Variants in GRIP1 observed in about 807,000 individuals in gnomAD.
The protein encoded by GRIP1 is glutamate receptor interacting protein 1.
A neutral mutation model predicts 129.9 loss-of-function variants in GRIP1; 45 were observed. The observed-to-expected ratio is 0.35, with a 90% CI of 0.27 to 0.44. The LOEUF is 0.44. GRIP1 is among the 20% of genes least tolerant of loss of function. The probability of loss-of-function intolerance (pLI) is 1.00; values close to 1 mark genes in which losing one functional copy is unlikely to be tolerated. For synonymous variants in GRIP1, 530 were observed against 520.8 expected, an observed-to-expected ratio of 1.02 and a Z score of -0.24; for missense variants, 1,196 against 1,396.8, an observed-to-expected ratio of 0.86 and a Z score of 2.29.
intron 1 of GRIP1, among the ~76,000 whole-genome samples, chr12:66,719,114 T>C (rs1261054629): frequency 2.0e-5 from 3 of 152,058 alleles, no homozygotes; most frequent in Non-Finnish European, 4.4e-5. Context: ...ATGGTTACCA[T>C]ATAGAGGCAA....
intron 1 of GRIP1, among the ~76,000 whole-genome samples, chr12:66,852,546 A>ATATATGTATATG (rs2039932617): frequency 1.4e-5 from 2 of 144,802 alleles, no homozygotes; most frequent in Non-Finnish European, 3.0e-5. Flanking sequence ...ATATGTATAT[A>ATATATGTATATG]TGTATATGTA....
intron 1 of GRIP1, among the ~76,000 whole-genome samples, chr12:66,742,998 A>G (rs1177740112): frequency 6.6e-6 from 1 of 152,164 alleles, no homozygotes; most frequent in Non-Finnish European, 1.5e-5. Flanking sequence ...TGTACCACAG[A>G]AACAGCAGCC....
chr12:66,872,797 C>T (rs1437108498), intron 1 of GRIP1, among the ~76,000 whole-genome samples: 1 of 152,008 alleles, frequency 6.6e-6, no homozygotes, highest in Non-Finnish European at 1.5e-5. Flanking sequence ...ATCAATTTGT[C>T]CAGTTAACTA....
At chr12:66,663,573 G>A (rs948331915) in intron 1 of GRIP1, among the ~76,000 whole-genome samples, 3 of 152,024 alleles carry the variant, frequency 2.0e-5, no homozygotes, top group African/African-American at 7.3e-5. Context: ...GCACTTTGGA[G>A]GTATGTGTGG....
At chr12:66,361,964 G>A (rs911488093) in intron 23 of GRIP1, among the ~76,000 whole-genome samples, 1 of 151,984 alleles carries the variant, frequency 6.6e-6, no homozygotes, top group Non-Finnish European at 1.5e-5. Context: ...AGGATGACAA[G>A]TTGCAACTAA....
At chr12:66,870,651 G>A (rs1257519827) in intron 1 of GRIP1, among the ~76,000 whole-genome samples, 1 of 152,066 alleles carries the variant, frequency 6.6e-6, no homozygotes, top group East Asian at 1.9e-4. Context: ...ATTTGAGCAC[G>A]GACATGAAGA....
At chr12:66,639,501 CAG>C (rs900329426) in intron 1 of GRIP1, among the ~76,000 whole-genome samples, 11 of 152,042 alleles carry the variant, frequency 7.2e-5, no homozygotes, top group Admixed American at 5.2e-4. Flanking sequence ...GTGGGAGGAG[CAG>C]AGATCAAATT....
chr12:66,566,179 A>G (rs1426089524), intron 2 of GRIP1, among the ~76,000 whole-genome samples: 2 of 152,168 alleles, frequency 1.3e-5, no homozygotes, highest in East Asian at 1.9e-4. Flanking sequence ...GTGGTGAGAG[A>G]GGGCATCCCT....
intron 1 of GRIP1, among the ~76,000 whole-genome samples, chr12:66,992,761 A>C (rs11176523): frequency 0.019 from 2,840 of 152,322 alleles, 92 homozygotes; most frequent in African/African-American, 0.064. Flanking sequence ...AACAGAAAGA[A>C]ATTTGGGAAA....
intron 1 of GRIP1, among the ~76,000 whole-genome samples, chr12:67,040,781 G>T (rs189787969): frequency 7.3e-4 from 111 of 152,174 alleles, no homozygotes; most frequent in Non-Finnish European, 1.4e-3. Flanking sequence ...ATAAAGGTTG[G>T]TTACTGTCAT....
At chr12:66,756,348 A>G (rs534274194) in intron 1 of GRIP1, among the ~76,000 whole-genome samples, 6 of 152,260 alleles carry the variant, frequency 3.9e-5, no homozygotes, top group African/African-American at 1.2e-4. Flanking sequence ...TATATCCCCA[A>G]TGAAGCATTG....
chr12:66,533,502 G>A (rs550450454), intron 4 of GRIP1, among the ~76,000 whole-genome samples: 13 of 152,056 alleles, frequency 8.5e-5, no homozygotes, highest in South Asian at 8.3e-4. Context: ...AAAATTAGCC[G>A]GACATAATGG....
chr12:66,738,836 G>A (rs563154651), intron 1 of GRIP1, among the ~76,000 whole-genome samples: 2 of 152,172 alleles, frequency 1.3e-5, no homozygotes, highest in African/African-American at 2.4e-5. Context: ...GCAATGACAT[G>A]AAGGTGTATA....
chr12:66,978,547 C>T (rs2042189370), intron 1 of GRIP1, among the ~76,000 whole-genome samples: 1 of 152,138 alleles, frequency 6.6e-6, no homozygotes, highest in Admixed American at 6.5e-5. Context: ...CAATATTTTT[C>T]CCAAGGAGGA....
Position 66,564,169 on chromosome 12 carries a change from C to T in GRIP1, c.137-22219G>A, listed in dbSNP as rs2062647305. 5 of 152,714 alleles carry T rather than the reference C, an allele frequency of 3.3e-5. No individual in the cohort carries two copies. The South Asian group carries it at 1.0e-3, about 32-fold the overall frequency. The allele number at this position is 152,714 out of a possible 1,614,324, so 9.5% of individuals were successfully genotyped here. A position where few individuals can be genotyped will look rare whatever the true frequency, so the allele number is the denominator to read the frequency against. On this transcript the variant is annotated intron_variant, in intron 2 of 24. Coordinates refer to ENST00000359742, the MANE Select transcript of GRIP1 (RefSeq NM_001366722.1). ...TATTTTAAGTTCTAGGGTACATGTG[C>T]ACAACGTGCAGGTTTGTTACATATG...
In GRIP1 at chr12:66,459,251, G is replaced by A. The variant is rs74380666; in HGVS notation, c.1043-2909C>T. 9.7e-3 allele frequency among the ~76,000 whole-genome samples: 1,482 copies of A among 152,292 alleles called. 27 individuals carry two copies. The highest frequency in any genetic ancestry group is 0.033 in the African/African-American group (1,365 of 41,560). ...TGAACACTGCAGCAGCATTTTCCTT[G>A]AGACAAAAGAGTATTTATTGCAGGA... On this transcript the variant is annotated intron_variant, in intron 9 of 24. Transcript: ENST00000359742.
chr12:66,858,506 A>G (rs183317201), intron 1 of GRIP1, among the ~76,000 whole-genome samples: 164 of 151,996 alleles, frequency 1.1e-3, no homozygotes, highest in Admixed American at 1.4e-3. Flanking sequence ...CTAGCTACTA[A>G]AACTCTCCCC....
chr12:66,695,496 A>G (rs1018780491), intron 1 of GRIP1, among the ~76,000 whole-genome samples: 4 of 152,178 alleles, frequency 2.6e-5, no homozygotes, highest in South Asian at 4.1e-4. Flanking sequence ...GCCCTAGTCC[A>G]TGTCTACCAC....
chr12:66,568,648 G>T, intron 2 of GRIP1: 1 of 202,836 alleles, frequency 4.9e-6, no homozygotes. Flanking sequence ...AGTGCTTTGG[G>T]GATGAGCCAT....
Sources: gnomAD v4.1 joint callset for allele counts (sites outside exome capture counted in the v4.1 genomes callset) on GRCh38, gnomAD v4.1.1 for gene constraint, MANE v1.5 for transcripts, NCBI Gene and HGNC (gene_info 2026-07-23, HGNC 2026-07-21) for gene names.